The following IQCM variants were observed in gnomAD, a reference collection of about 807,000 sequenced individuals.
IQCM encodes the protein IQ motif containing M, also known as IQ domain-containing protein M.
In IQCM, 45 loss-of-function variants were observed where a neutral mutation model predicts 57.6. That is an observed-to-expected ratio of 0.78 (90% CI 0.62 to 1.00). IQCM has a LOEUF of 1.00. Among genes scored for constraint, IQCM ranks in the 50% least tolerant of loss-of-function variants. The pLI, the probability that IQCM is intolerant of heterozygous loss-of-function variation, is 0.00. For missense variants in IQCM, 468 were observed against 511.6 expected, an observed-to-expected ratio of 0.91 and a Z score of 0.82; for synonymous variants, 148 against 158.9, an observed-to-expected ratio of 0.93 and a Z score of 0.51.
intron 12 of IQCM, among the ~76,000 whole-genome samples, chr4:149,547,474 G>A (rs1171666599): frequency 6.6e-6 from 1 of 152,184 alleles, no homozygotes; most frequent in Non-Finnish European, 1.5e-5. Context: ...GATGGCAGTT[G>A]CCAGGGCTGA....
At chr4:149,703,044 TACTAAC>T (rs1412499002) in intron 5 of IQCM, among the ~76,000 whole-genome samples, 2 of 151,944 alleles carry the variant, frequency 1.3e-5, no homozygotes, top group Non-Finnish European at 2.9e-5. Flanking sequence ...CAAGACGGTA[TACTAAC>T]ATAGCTTGCT....
At chr4:149,449,659 A>G (rs958820252) in intron 12 of IQCM, among the ~76,000 whole-genome samples, 1 of 151,494 alleles carries the variant, frequency 6.6e-6, no homozygotes, top group Non-Finnish European at 1.5e-5. Flanking sequence ...CAAAGAAGCA[A>G]AAGATCTCTA....
intron 2 of IQCM, among the ~76,000 whole-genome samples, chr4:149,803,994 T>C (rs1236699267): frequency 6.6e-6 from 1 of 151,704 alleles, no homozygotes; most frequent in Non-Finnish European, 1.5e-5. Flanking sequence ...CCTCCTCCCC[T>C]TAGGTGATAC....
intron 2 of IQCM, among the ~76,000 whole-genome samples, chr4:149,759,453 A>G (rs761181767): frequency 1.4e-4 from 22 of 152,308 alleles, no homozygotes; most frequent in Non-Finnish European, 2.2e-4. Flanking sequence ...TGTAACAAAT[A>G]TATCACTCTG....
intron 13 of IQCM, among the ~76,000 whole-genome samples, chr4:149,397,979 A>C (rs539157513): frequency 6.6e-6 from 1 of 151,928 alleles, no homozygotes; most frequent in Admixed American, 6.6e-5. Context: ...TGTCGTACCT[A>C]TGATATTATT....
At chr4:149,487,832 G>A (rs963917963) in intron 12 of IQCM, among the ~76,000 whole-genome samples, 20 of 152,030 alleles carry the variant, frequency 1.3e-4, no homozygotes, top group African/African-American at 7.2e-5. Context: ...TGATACTGGC[G>A]ATTCAAGACT....
intron 8 of IQCM, among the ~76,000 whole-genome samples, chr4:149,588,503 G>A (rs1384478101): frequency 6.6e-6 from 1 of 151,826 alleles, no homozygotes; most frequent in African/African-American, 2.4e-5. Flanking sequence ...ATATGTCAAA[G>A]CCCTAATCCC....
chr4:149,530,078 T>C (rs72955470), intron 12 of IQCM, among the ~76,000 whole-genome samples: 2,900 of 152,114 alleles, frequency 0.019, 68 homozygotes, highest in African/African-American at 0.057. Flanking sequence ...CCTCCCTCAC[T>C]TCCTTATGGT....
At position 149,733,256 on chromosome 4, in the gene IQCM, G is replaced by A; in HGVS notation, c.373C>T (p.Leu125=). The change falls in exon 5 of 14, where the codon CTA becomes TTA. Residue 125 remains leucine (L), a synonymous_variant. Coordinates refer to ENST00000636793, the MANE Select transcript of IQCM (RefSeq NM_001363507.2). The part of the protein sequence containing the change: ...SRRERCRPID[L]ITKGQVKLDK... ...ACCAAAAACTTACCTTTTGTAATTAGATCTATGGGCCTGCATCTTTCTCTT... is the reference window on the plus strand; with the variant it reads ...ACCAAAAACTTACCTTTTGTAATTAAATCTATGGGCCTGCATCTTTCTCTT... 4.9e-6 allele frequency: 6 copies of A among 1,231,666 alleles called. No homozygotes were observed. The highest frequency in any genetic ancestry group is 6.1e-6 in the Non-Finnish European group (6 of 987,646). 76.3% of individuals were successfully genotyped at this position (1,231,666 alleles called of 1,614,324 possible). A position where few individuals can be genotyped will look rare whatever the true frequency, so the allele number is the denominator to read the frequency against.
At chr4:149,658,462 C>T (rs1459158335) in intron 7 of IQCM, among the ~76,000 whole-genome samples, 1 of 151,896 alleles carries the variant, frequency 6.6e-6, no homozygotes, top group Non-Finnish European at 1.5e-5. Flanking sequence ...GTACCTTTTA[C>T]TCAAGACTGT....
intron 7 of IQCM, among the ~76,000 whole-genome samples, chr4:149,624,937 G>A (rs190275914): frequency 3.9e-5 from 6 of 152,202 alleles, no homozygotes; most frequent in East Asian, 1.9e-4. Flanking sequence ...TGCCAAGCTC[G>A]TTCTGTTTCC....
chr4:149,465,445 G>A lies in IQCM; in HGVS notation c.1229-31888C>T, dbSNP rs561478791. Among the ~76,000 whole-genome samples, 13 of 152,224 alleles carry A rather than the reference G, an allele frequency of 8.5e-5. No individual in the cohort carries two copies. The East Asian group carries it at 2.5e-3, about 29-fold the overall frequency. ...CCCAGATGAGTACCGAAAAAAGGCT[G>A]ATTAACTGCATTCTAAGTACACAAA... On this transcript the variant is annotated intron_variant, in intron 12 of 13. Coordinates refer to ENST00000636793, the MANE Select transcript of IQCM (RefSeq NM_001363507.2).
At chr4:149,359,733 T>G (rs963888892) in intron 13 of IQCM, among the ~76,000 whole-genome samples, 2 of 152,200 alleles carry the variant, frequency 1.3e-5, no homozygotes, top group African/African-American at 4.8e-5. Context: ...CAAGTCCATG[T>G]TATTATTCTT....
At chr4:149,528,799 A>C (rs962759957) in intron 12 of IQCM, among the ~76,000 whole-genome samples, 2 of 152,082 alleles carry the variant, frequency 1.3e-5, no homozygotes, top group Non-Finnish European at 2.9e-5. Context: ...TTAACTTGAC[A>C]GACAGTGTAC....
intron 3 of IQCM, among the ~76,000 whole-genome samples, chr4:149,737,348 A>G (rs951611760): frequency 3.2e-4 from 48 of 152,348 alleles, no homozygotes; most frequent in Non-Finnish European, 5.6e-4. Context: ...TCAAAAGAAG[A>G]AAAACTATAA....
intron 12 of IQCM, among the ~76,000 whole-genome samples, chr4:149,445,559 T>C (rs1736417399): frequency 6.6e-6 from 1 of 151,782 alleles, no homozygotes; most frequent in South Asian, 2.1e-4. Flanking sequence ...CTGGTCAAAA[T>C]GATAACTTAC....
At chr4:149,504,912 G>A (rs972217991) in intron 12 of IQCM, among the ~76,000 whole-genome samples, 3 of 152,066 alleles carry the variant, frequency 2.0e-5, no homozygotes, top group Non-Finnish European at 4.4e-5. Context: ...GAGAGAGAGA[G>A]AGACCCTGGG....
chr4:149,396,108 A>T (rs1417630500), intron 13 of IQCM, among the ~76,000 whole-genome samples: 3 of 151,962 alleles, frequency 2.0e-5, no homozygotes, highest in Non-Finnish European at 4.4e-5. Flanking sequence ...ATTTTTTTAC[A>T]TTAAATTATG....
intron 8 of IQCM, among the ~76,000 whole-genome samples, chr4:149,620,702 C>A (rs1164386071): frequency 6.6e-6 from 1 of 152,204 alleles, no homozygotes; most frequent in African/African-American, 2.4e-5. Context: ...ATTCAGAAAA[C>A]CATCAACATG....
Sources: gnomAD v4.1 joint callset for allele counts (sites outside exome capture counted in the v4.1 genomes callset) on GRCh38, gnomAD v4.1.1 for gene constraint, MANE v1.5 for transcripts, NCBI Gene and HGNC (gene_info 2026-07-23, HGNC 2026-07-21) for gene names.